The following FOXJ3 variants were observed in gnomAD, a reference collection of about 807,000 sequenced individuals.
The protein encoded by FOXJ3 is forkhead box J3, also known as forkhead box protein J3.
In FOXJ3, 22 loss-of-function variants were observed where a neutral mutation model predicts 76.1. The ratio of observed to expected loss-of-function variants is 0.29; its 90% CI spans 0.21 to 0.41. The LOEUF (loss-of-function observed/expected upper bound fraction) is 0.41. Among genes scored for constraint, FOXJ3 ranks in the 10% least tolerant of loss-of-function variants. The pLI, the probability that FOXJ3 is intolerant of heterozygous loss-of-function variation, is 1.00. For missense variants in FOXJ3, 613 were observed against 762.1 expected (o/e 0.80, Z 2.30); for synonymous variants, 269 against 261.2 (o/e 1.03, Z -0.29).
intron 4 of FOXJ3, among the ~76,000 whole-genome samples, chr1:42,264,156 A>G (rs1364930047): frequency 1.3e-5 from 2 of 152,094 alleles, no homozygotes; most frequent in Non-Finnish European, 2.9e-5. Flanking sequence ...CTCAATACTG[A>G]AAGATAAGAA....
At chr1:42,274,545 C>G (rs1376253788) in intron 3 of FOXJ3, among the ~76,000 whole-genome samples, 1 of 152,168 alleles carries the variant, frequency 6.6e-6, no homozygotes, top group Non-Finnish European at 1.5e-5. Context: ...CTGAGAAACT[C>G]TACAAAGTTA....
At chr1:42,212,735 C>A (rs917404158) in intron 5 of FOXJ3, among the ~76,000 whole-genome samples, 1 of 151,692 alleles carries the variant, frequency 6.6e-6, no homozygotes, top group African/African-American at 2.4e-5. Flanking sequence ...AGATTCACTG[C>A]AAAAAGGACA....
chr1:42,293,898 C>T (rs1402831415), intron 2 of FOXJ3, among the ~76,000 whole-genome samples: 1 of 152,198 alleles, frequency 6.6e-6, no homozygotes, highest in Non-Finnish European at 1.5e-5. Context: ...ATCTAACCTT[C>T]AAAAGAGACC....
intron 1 of FOXJ3, among the ~76,000 whole-genome samples, chr1:42,329,162 TTAAAA>T (rs1227130193): frequency 1.3e-5 from 2 of 152,220 alleles, no homozygotes; most frequent in South Asian, 2.1e-4. Flanking sequence ...AAAAGGTTAC[TTAAAA>T]TAAGTAGAAT....
chr1:42,304,180 C>T (rs1654324029), intron 2 of FOXJ3, among the ~76,000 whole-genome samples: 1 of 151,746 alleles, frequency 6.6e-6, no homozygotes, highest in East Asian at 1.9e-4. Context: ...AAATAAAATA[C>T]CTAGGAATTA....
At chr1:42,330,983 C>T (rs1656124213) in intron 1 of FOXJ3, among the ~76,000 whole-genome samples, 1 of 152,078 alleles carries the variant, frequency 6.6e-6, no homozygotes, top group Non-Finnish European at 1.5e-5. Flanking sequence ...CTTTATATCC[C>T]CAATGCTTAG....
At chr1:42,280,482 T>C in intron 2 of FOXJ3, 3 of 913,034 alleles carry the variant, frequency 3.3e-6, no homozygotes, top group African/African-American at 1.9e-5. Flanking sequence ...TATCCTACTC[T>C]ACAATCTCAA....
At chr1:42,276,822 T>C (rs1305444215) in intron 3 of FOXJ3, among the ~76,000 whole-genome samples, 4 of 152,232 alleles carry the variant, frequency 2.6e-5, no homozygotes, top group Non-Finnish European at 2.9e-5. Flanking sequence ...TCTGATATGT[T>C]ATGCACAAAA....
At chr1:42,281,416 T>C (rs1652702471) in intron 2 of FOXJ3, among the ~76,000 whole-genome samples, 1 of 151,918 alleles carries the variant, frequency 6.6e-6, no homozygotes, top group African/African-American at 2.4e-5. Flanking sequence ...AAGATTGACT[T>C]AGCTGAAGAA....
intron 4 of FOXJ3, among the ~76,000 whole-genome samples, chr1:42,236,383 A>G (rs1648630212): frequency 6.6e-6 from 1 of 152,150 alleles, no homozygotes; most frequent in African/African-American, 2.4e-5. Context: ...TTTTGTAGAG[A>G]CAGGGTCTTG....
chr1:42,265,073 A>G (rs371112383), intron 4 of FOXJ3, 42 bp downstream of exon 4: 3 of 1,160,422 alleles, frequency 2.6e-6, no homozygotes, highest in African/African-American at 1.5e-5. Flanking sequence ...ATGACAAGTG[A>G]CATACTGAAG....
chr1:42,244,187 G>C (rs571920974), intron 4 of FOXJ3, among the ~76,000 whole-genome samples: 2 of 152,170 alleles, frequency 1.3e-5, no homozygotes, highest in Non-Finnish European at 2.9e-5. Context: ...AGAGCTAAAG[G>C]AAAGTTTATA....
chr1:42,237,208 T>C (rs1648718518), intron 4 of FOXJ3, among the ~76,000 whole-genome samples: 2 of 151,712 alleles, frequency 1.3e-5, no homozygotes, highest in South Asian at 4.2e-4. Flanking sequence ...ACCCCGTCTC[T>C]ACCAAAAATA....
At chr1:42,245,494 A>AG (rs1649481039) in intron 4 of FOXJ3, among the ~76,000 whole-genome samples, 1 of 152,192 alleles carries the variant, frequency 6.6e-6, no homozygotes. Context: ...AATTTACCCC[A>AG]GGGATAGAAG....
intron 4 of FOXJ3, among the ~76,000 whole-genome samples, chr1:42,236,103 C>T (rs970762090): frequency 2.0e-5 from 3 of 151,696 alleles, no homozygotes; most frequent in Non-Finnish European, 4.4e-5. Context: ...CCAATTTCCT[C>T]CCAGAGTAGG....
chr1:42,289,071 T>A (rs1341317380), intron 2 of FOXJ3, among the ~76,000 whole-genome samples: 1 of 152,086 alleles, frequency 6.6e-6, no homozygotes, highest in Non-Finnish European at 1.5e-5. Context: ...TTGACAGATA[T>A]AACCCACATA....
chr1:42,321,898 TATC>T (rs1207321148), intron 1 of FOXJ3, among the ~76,000 whole-genome samples: 14 of 152,140 alleles, frequency 9.2e-5, no homozygotes, highest in Admixed American at 5.2e-4. Flanking sequence ...TGGGAGACTT[TATC>T]ATCAAGGCAT....
intron 3 of FOXJ3, among the ~76,000 whole-genome samples, chr1:42,275,411 G>A (rs964432769): frequency 6.6e-6 from 1 of 152,138 alleles, no homozygotes; most frequent in African/African-American, 2.4e-5. Flanking sequence ...CATGTGCAGG[G>A]ACGAAAGAAA....
At chr1:42,266,955 G>A (rs1439916113) in intron 3 of FOXJ3, among the ~76,000 whole-genome samples, 1 of 152,086 alleles carries the variant, frequency 6.6e-6, no homozygotes, top group Non-Finnish European at 1.5e-5. Context: ...GCTGCTGGAG[G>A]AAAAGTAGAA....
Sources: allele counts gnomAD v4.1 joint callset (sites outside exome capture counted in the v4.1 genomes callset), GRCh38; gene constraint gnomAD v4.1.1; transcripts MANE v1.5; gene names NCBI Gene and HGNC (gene_info 2026-07-23, HGNC 2026-07-21).